Variants in CLIC5 observed in about 807,000 individuals in gnomAD.
CLIC5 encodes chloride intracellular channel protein 5.
Under a neutral mutation model 24.7 loss-of-function variants are expected in CLIC5, and 20 were observed. The observed-to-expected ratio is 0.81, with a 90% confidence interval of 0.57 to 1.18. The LOEUF (loss-of-function observed/expected upper bound fraction) is 1.18. Ranked by LOEUF, CLIC5 falls within the 50% of genes most tolerant of loss-of-function variation. The probability of loss-of-function intolerance (pLI) is 0.00; values close to 1 mark genes in which losing one functional copy is unlikely to be tolerated. For synonymous variants in CLIC5, 159 were observed against 135.6 expected (o/e 1.17, Z -1.20); for missense variants, 341 against 326.1 (o/e 1.05, Z -0.35).
At chr6:45,976,709 G>A (rs1765396690) in intron 1 of CLIC5, among the ~76,000 whole-genome samples, 1 of 152,094 alleles carries the variant, frequency 6.6e-6, no homozygotes, top group Non-Finnish European at 1.5e-5. Flanking sequence ...GTCCTTCACT[G>A]GATCAAACGT....
chr6:46,120,271 C>T, the CLIC5 span, among the ~76,000 whole-genome samples: 3 of 152,196 alleles, frequency 2.0e-5, no homozygotes, highest in African/African-American at 7.2e-5. Flanking sequence ...ATTTGCTGTT[C>T]AGCAATATTC....
rs907353621 is a variant in CLIC5, at chr6:45,941,409, T to C, written c.406+138A>G. The C allele has an allele frequency of 5.0e-4, 293 of 582,060 alleles. 3 individuals are homozygous for C. The highest frequency in any genetic ancestry group is 8.2e-4 in the Non-Finnish European group (266 of 325,178). 36.1% of individuals were successfully genotyped at this position (582,060 alleles called of 1,614,324 possible). A position where few individuals can be genotyped will look rare whatever the true frequency, so the allele number is the denominator to read the frequency against. ...GGGACAAGATGGTGGTGGCGGGGGGTGGGGGCAAATAATAAGCAGTATTGG... is the reference window on the plus strand; with the variant it reads ...GGGACAAGATGGTGGTGGCGGGGGGCGGGGGCAAATAATAAGCAGTATTGG... On this transcript the variant is annotated intron_variant, in intron 4 of 5. Coordinates refer to ENST00000339561, the MANE Select transcript of CLIC5 (RefSeq NM_016929.5).
intron 2 of CLIC5, among the ~76,000 whole-genome samples, chr6:45,951,395 C>A (rs892264966): frequency 6.6e-6 from 1 of 152,238 alleles, no homozygotes; most frequent in Non-Finnish European, 1.5e-5. Flanking sequence ...ACTTAGCCCA[C>A]AGCAGTGCTA....
upstream of CLIC5, among the ~76,000 whole-genome samples, chr6:46,084,877 T>G (rs570871609): frequency 3.3e-4 from 51 of 152,344 alleles, no homozygotes; most frequent in African/African-American, 1.1e-3. Flanking sequence ...GTTTTCCAAC[T>G]TGGTTCCATT....
intron 1 of CLIC5, among the ~76,000 whole-genome samples, chr6:46,075,437 TAGA>T (rs1762739884): frequency 1.3e-5 from 2 of 151,732 alleles, no homozygotes; most frequent in African/African-American, 4.8e-5. Context: ...AAAATTTAAT[TAGA>T]TGGGTATGGT....
At chr6:45,926,115 C>A (rs1299872534) in intron 4 of CLIC5, among the ~76,000 whole-genome samples, 1 of 151,898 alleles carries the variant, frequency 6.6e-6, no homozygotes, top group Non-Finnish European at 1.5e-5. Flanking sequence ...CGTGGCTCAA[C>A]CCTCCCCTCC....
At chr6:46,098,981 C>A in the CLIC5 span, among the ~76,000 whole-genome samples, 2 of 152,044 alleles carry the variant, frequency 1.3e-5, no homozygotes, top group African/African-American at 4.8e-5. Context: ...GCACTGGCTG[C>A]GGGGGTGGGG....
At chr6:46,090,225 CAAG>C in the CLIC5 span, among the ~76,000 whole-genome samples, 1 of 151,964 alleles carries the variant, frequency 6.6e-6, no homozygotes, top group Non-Finnish European at 1.5e-5. Flanking sequence ...TTGAAATATC[CAAG>C]AAGGGATCAG....
chr6:46,031,172 T>C (rs1349856833), intron 1 of CLIC5, among the ~76,000 whole-genome samples: 4 of 152,210 alleles, frequency 2.6e-5, no homozygotes, highest in Admixed American at 2.0e-4. Flanking sequence ...TTGCTCCAGT[T>C]CTTGAAGTTC....
intron 1 of CLIC5, among the ~76,000 whole-genome samples, chr6:46,012,222 T>A (rs1581861463): frequency 6.6e-6 from 1 of 152,212 alleles, no homozygotes; most frequent in African/African-American, 2.4e-5. Context: ...TTTATAACCA[T>A]GCTCTTGTTT....
upstream of CLIC5, among the ~76,000 whole-genome samples, chr6:46,016,969 T>G (rs1406404045): frequency 1.3e-5 from 2 of 152,258 alleles, no homozygotes; most frequent in Non-Finnish European, 2.9e-5. Context: ...TGCAGGTGAC[T>G]ATCATGACTA....
chr6:45,988,902 G>T (rs1765833620), intron 1 of CLIC5, among the ~76,000 whole-genome samples: 1 of 152,142 alleles, frequency 6.6e-6, no homozygotes, highest in African/African-American at 2.4e-5. Context: ...TGGCAGAGGG[G>T]GAATGACCTG....
chr6:45,909,531 A>C (rs760752270), intron 5 of CLIC5, among the ~76,000 whole-genome samples: 1 of 152,058 alleles, frequency 6.6e-6, no homozygotes, highest in East Asian at 1.9e-4. Context: ...TCCTTTGTTT[A>C]CAAAGCTTAG....
At chr6:45,927,021 A>T (rs1031945088) in intron 4 of CLIC5, among the ~76,000 whole-genome samples, 4 of 152,138 alleles carry the variant, frequency 2.6e-5, no homozygotes, top group Non-Finnish European at 4.4e-5. Context: ...AGTCTGCAAC[A>T]TGGGGACAGA....
the CLIC5 span, among the ~76,000 whole-genome samples, chr6:46,126,148 A>T: frequency 1.3e-5 from 2 of 152,136 alleles, no homozygotes; most frequent in East Asian, 3.9e-4. Context: ...TGCCCCGTGG[A>T]TGAGGGGAAT....
chr6:46,048,005 C>CTTTT (rs34581798), intron 1 of CLIC5, among the ~76,000 whole-genome samples: 1 of 139,178 alleles, frequency 7.2e-6, no homozygotes, highest in Non-Finnish European at 1.5e-5. Flanking sequence ...TCCATATCTA[C>CTTTT]TTTTTTTTTT....
chr6:45,914,219 C>A lies in CLIC5; in HGVS notation c.588+9G>T. 6.4e-7 allele frequency: 1 copy of A among 1,559,894 alleles called. No homozygotes were observed. Among genetic ancestry groups the A allele is most frequent in the African/African-American group, 1.4e-5 (1 of 73,896 alleles). On this transcript the variant is annotated intron_variant, in intron 5 of 5. Coordinates refer to ENST00000339561, the MANE Select transcript of CLIC5 (RefSeq NM_016929.5). ...ATCTTGCAGGCCCCTGTGGGTAGAG[C>A]TCTCTTACCTTGACCACATGGAGCT...
chr6:45,922,831 G>T (rs1459732212), intron 4 of CLIC5, among the ~76,000 whole-genome samples: 1 of 147,038 alleles, frequency 6.8e-6, no homozygotes, highest in Non-Finnish European at 1.5e-5. Flanking sequence ...GAAAGAGAGA[G>T]AGATAGAGAG....
At chr6:46,028,840 G>A (rs115917475) in intron 1 of CLIC5, among the ~76,000 whole-genome samples, 3,234 of 152,210 alleles carry the variant, frequency 0.021, 129 homozygotes, top group African/African-American at 0.075. Context: ...TCATTAGATA[G>A]TTTACATTTA....
Sources: allele counts gnomAD v4.1 joint callset (sites outside exome capture counted in the v4.1 genomes callset), GRCh38; gene constraint gnomAD v4.1.1; transcripts MANE v1.5; gene names NCBI Gene and HGNC (gene_info 2026-07-23, HGNC 2026-07-21).